The following TNR variants were observed in gnomAD, a reference collection of about 807,000 sequenced individuals.
TNR encodes tenascin R, also known as tenascin-R.
Under a neutral mutation model 150.4 loss-of-function variants are expected in TNR, and 45 were observed. The ratio of observed to expected loss-of-function variants is 0.30; its 90% CI spans 0.24 to 0.38. TNR has a LOEUF of 0.38. Ranked by LOEUF, TNR falls within the 10% of genes least tolerant of loss-of-function variation. The pLI is 1.00. For missense variants in TNR, 1,544 were observed against 1,759.1 expected, an observed-to-expected ratio of 0.88 and a Z score of 2.19; for synonymous variants, 687 against 678.4, an observed-to-expected ratio of 1.01 and a Z score of -0.20.
At chr1:175,340,089 A>C (rs1249845014) in intron 18 of TNR, among the ~76,000 whole-genome samples, 2 of 152,208 alleles carry the variant, frequency 1.3e-5, no homozygotes, top group East Asian at 3.8e-4. Flanking sequence ...ATAAGAATAA[A>C]ATTATCTTAA....
intron 1 of TNR, among the ~76,000 whole-genome samples, chr1:175,580,820 G>A (rs1044848737): frequency 1.2e-4 from 18 of 152,130 alleles, no homozygotes; most frequent in African/African-American, 4.3e-4. Flanking sequence ...ATGGCATGTA[G>A]ATCTATTTCC....
At chr1:175,515,366 C>T (rs1659363045) in intron 2 of TNR, among the ~76,000 whole-genome samples, 2 of 151,840 alleles carry the variant, frequency 1.3e-5, no homozygotes, top group South Asian at 2.1e-4. Context: ...TGAGCTCTGC[C>T]CTCAGATGCT....
chr1:175,667,986 G>A (rs2101900806), intron 1 of TNR, among the ~76,000 whole-genome samples: 1 of 152,308 alleles, frequency 6.6e-6, no homozygotes, highest in Non-Finnish European at 1.5e-5. Flanking sequence ...CCTGGAGCAT[G>A]TTAGAAATGC....
At chr1:175,604,131 G>A (rs558300004) in intron 1 of TNR, among the ~76,000 whole-genome samples, 5 of 152,062 alleles carry the variant, frequency 3.3e-5, no homozygotes, top group Middle Eastern at 3.4e-3. Flanking sequence ...CCCCTTCCCC[G>A]CTCCCCTCTT....
intron 1 of TNR, among the ~76,000 whole-genome samples, chr1:175,538,397 GA>G (rs1181110680): frequency 4.6e-5 from 7 of 152,188 alleles, no homozygotes; most frequent in Non-Finnish European, 5.9e-5. Context: ...CCCAAATATG[GA>G]AGTATAAGAG....
intron 1 of TNR, among the ~76,000 whole-genome samples, chr1:175,657,305 C>A (rs1054794252): frequency 6.6e-6 from 1 of 152,160 alleles, no homozygotes; most frequent in African/African-American, 2.4e-5. Context: ...AATAGGAACA[C>A]TTTTACACTG....
rs1390021380 is a variant in TNR at position 175,363,563 on chromosome 1, C to T, written c.2707+145G>A. On this transcript the variant is annotated intron_variant, in intron 13 of 22. Transcript: ENST00000367674. The stretch of plus-strand genomic sequence containing the variant: ...GTGAGTGTGGGGTTTCTTGGCTGCT[C>T]ACCAGCCCACTCTCATTCTGATGCA... 11 of 1,096,838 alleles carry T rather than the reference C, an allele frequency of 1.0e-5. No homozygotes were observed. In the African/African-American group the frequency reaches 1.6e-4, roughly 16 times the overall value. The allele number at this position is 1,096,838 out of a possible 1,614,324, so 67.9% of individuals were successfully genotyped here.
At chr1:175,462,790 C>T (rs949164415) in intron 2 of TNR, among the ~76,000 whole-genome samples, 2 of 152,116 alleles carry the variant, frequency 1.3e-5, no homozygotes, top group African/African-American at 4.8e-5. Context: ...AACACCCTTC[C>T]ACCACCACCC....
chr1:175,417,036 A>AAAGT (rs1557920204), intron 2 of TNR, among the ~76,000 whole-genome samples: 1 of 99,058 alleles, frequency 1.0e-5, no homozygotes, highest in Non-Finnish European at 2.2e-5. Flanking sequence ...AGAAAGAAAG[A>AAAGT]AAGAAAGAAA....
chr1:175,702,699 C>G (rs1276079497), intron 1 of TNR, among the ~76,000 whole-genome samples: 1 of 152,198 alleles, frequency 6.6e-6, no homozygotes, highest in Non-Finnish European at 1.5e-5. Context: ...GTCTGCACTA[C>G]AGTGACACGA....
chr1:175,579,975 G>A (rs1662285527), intron 1 of TNR, among the ~76,000 whole-genome samples: 1 of 152,112 alleles, frequency 6.6e-6, no homozygotes, highest in Non-Finnish European at 1.5e-5. Context: ...AGATGCTGAG[G>A]TCCAAACGGC....
intron 1 of TNR, among the ~76,000 whole-genome samples, chr1:175,621,069 C>T (rs1470684272): frequency 6.6e-6 from 1 of 152,172 alleles, no homozygotes; most frequent in Non-Finnish European, 1.5e-5. Context: ...TGCCTTGATT[C>T]AGGACGGCAT....
intron 1 of TNR, among the ~76,000 whole-genome samples, chr1:175,735,709 T>C (rs1296046190): frequency 6.6e-6 from 1 of 152,042 alleles, no homozygotes; most frequent in Non-Finnish European, 1.5e-5. Context: ...AAAACAAAAT[T>C]ATAAAGGAAG....
chr1:175,478,952 G>A (rs1557958880), intron 2 of TNR, among the ~76,000 whole-genome samples: 3 of 152,174 alleles, frequency 2.0e-5, no homozygotes, highest in East Asian at 1.9e-4. Flanking sequence ...TGGGGCATAT[G>A]GGTTACATTA....
At chr1:175,490,562 C>T (rs1209910098) in intron 2 of TNR, among the ~76,000 whole-genome samples, 5 of 152,150 alleles carry the variant, frequency 3.3e-5, no homozygotes, top group South Asian at 2.1e-4. Context: ...GGGCAAAAGA[C>T]ATGAACAGAC....
At chr1:175,472,012 C>A (rs552258759) in intron 2 of TNR, among the ~76,000 whole-genome samples, 8 of 151,936 alleles carry the variant, frequency 5.3e-5, no homozygotes, top group Non-Finnish European at 1.2e-4. Context: ...GTGGCACATG[C>A]CTGCAGTACT....
chr1:175,463,328 T>C (rs1246193065), intron 2 of TNR, among the ~76,000 whole-genome samples: 1 of 152,232 alleles, frequency 6.6e-6, no homozygotes, highest in Non-Finnish European at 1.5e-5. Flanking sequence ...TTTATAAGTA[T>C]GCTTTTGCCA....
In TNR at chr1:175,406,569, C is replaced by T. The variant is rs1461282624; in HGVS notation, c.146G>A (p.Gly49Glu). ...GGATGTGTTGTAGTTGGCAATGCCT[C>T]CCTCCTCCTCCACTGACTGTCTCTG... ...RVQRQSVEEE[G>E]GIANYNTSSK... The change falls in exon 3 of 23, where the codon GGA becomes GAA. Residue 49 changes from glycine (G) to glutamate (E), a missense_variant. Physicochemically the swap from Gly to Glu is moderately conservative, Grantham distance 98 (BLOSUM62 -2). Transcript: ENST00000367674. The T allele has an allele frequency of 6.2e-7, 1 of 1,614,128 alleles. No individual in the cohort carries two copies. Among genetic ancestry groups the T allele is most frequent in the Non-Finnish European group, 8.5e-7 (1 of 1,179,992 alleles).
intron 2 of TNR, among the ~76,000 whole-genome samples, chr1:175,449,069 A>C (rs1468291588): frequency 1.3e-5 from 2 of 152,224 alleles, no homozygotes; most frequent in East Asian, 3.8e-4. Context: ...TTACATGGTA[A>C]TAGATTATGG....
Sources: allele counts gnomAD v4.1 joint callset (sites outside exome capture counted in the v4.1 genomes callset), GRCh38; gene constraint gnomAD v4.1.1; transcripts MANE v1.5; gene names NCBI Gene and HGNC (gene_info 2026-07-23, HGNC 2026-07-21).